Variants in IPO11 observed in about 807,000 individuals in gnomAD.
The protein encoded by IPO11 is importin-11.
A neutral mutation model predicts 143.2 loss-of-function variants in IPO11; 66 were observed. The ratio of observed to expected loss-of-function variants is 0.46; its 90% CI spans 0.38 to 0.57. The LOEUF is 0.57. Among genes scored for constraint, IPO11 ranks in the 20% least tolerant of loss-of-function variants. The probability of loss-of-function intolerance (pLI) is 0.00; values close to 1 mark genes in which losing one functional copy is unlikely to be tolerated. For missense variants in IPO11, 1,026 were observed against 1,141.0 expected (o/e 0.90, Z 1.45); for synonymous variants, 385 against 377.8 (o/e 1.02, Z -0.22).
chr5:62,485,081 TTGAAA>T (rs1746351575), intron 11 of IPO11, among the ~76,000 whole-genome samples: 1 of 152,172 alleles, frequency 6.6e-6, no homozygotes, highest in African/African-American at 2.4e-5. Context: ...GATTACTGTA[TTGAAA>T]TGAAATGATT....
chr5:62,445,279 A>G (rs1296790343), intron 3 of IPO11, among the ~76,000 whole-genome samples: 4 of 152,128 alleles, frequency 2.6e-5, no homozygotes, highest in African/African-American at 9.7e-5. Context: ...CCATTACCAT[A>G]TACATTGCAG....
At chr5:62,431,231 G>A (rs994150299) in intron 1 of IPO11, among the ~76,000 whole-genome samples, 2 of 151,934 alleles carry the variant, frequency 1.3e-5, no homozygotes, top group Admixed American at 1.3e-4. Context: ...CGCCCACCTC[G>A]ACCTCCCAAA....
At chr5:62,518,277 C>G (rs535513477) in intron 20 of IPO11, among the ~76,000 whole-genome samples, 1 of 152,190 alleles carries the variant, frequency 6.6e-6, no homozygotes, top group South Asian at 2.1e-4. Flanking sequence ...AACCCCATCT[C>G]TACTAAAAAT....
intron 28 of IPO11, among the ~76,000 whole-genome samples, chr5:62,599,758 G>A (rs959058059): frequency 6.6e-6 from 1 of 152,132 alleles, no homozygotes; most frequent in Non-Finnish European, 1.5e-5. Flanking sequence ...TGTGTTTACT[G>A]TTTTATTAGT....
At chr5:62,613,410 C>T (rs1426834097) in intron 29 of IPO11, among the ~76,000 whole-genome samples, 1 of 148,342 alleles carries the variant, frequency 6.7e-6, no homozygotes, top group African/African-American at 2.5e-5. Context: ...TCAAGCCATC[C>T]TCCCACCTCA....
At chr5:62,602,273 CTTG>C (rs915072255) in intron 29 of IPO11, among the ~76,000 whole-genome samples, 1 of 151,974 alleles carries the variant, frequency 6.6e-6, no homozygotes, top group Non-Finnish European at 1.5e-5. Context: ...TAACCACTAA[CTTG>C]TTGTAAAAAC....
chr5:62,445,620 T>C (rs903583385), intron 3 of IPO11, among the ~76,000 whole-genome samples: 1 of 152,280 alleles, frequency 6.6e-6, no homozygotes, highest in South Asian at 2.1e-4. Flanking sequence ...TTCAGTACAG[T>C]GTTCAATAAA....
intron 1 of IPO11, among the ~76,000 whole-genome samples, chr5:62,424,912 T>G (rs1743668377): frequency 6.6e-6 from 1 of 152,224 alleles, no homozygotes; most frequent in Non-Finnish European, 1.5e-5. Context: ...ATATTTACCT[T>G]GAGTAGAACT....
intron 16 of IPO11, among the ~76,000 whole-genome samples, chr5:62,501,972 A>G (rs1251162245): frequency 6.6e-6 from 1 of 152,152 alleles, no homozygotes; most frequent in Non-Finnish European, 1.5e-5. Flanking sequence ...CTTCACTGCT[A>G]TGGGCAAGAT....
At position 62,483,202 on chromosome 5, in the gene IPO11, C is replaced by A; in HGVS notation, c.930C>A (p.Gly310=). 1 of 1,609,378 alleles carries A rather than the reference C, an allele frequency of 6.2e-7. No individual in the cohort carries two copies. Among genetic ancestry groups the A allele is most frequent in the Non-Finnish European group, 8.5e-7 (1 of 1,176,496 alleles). ...ATGTTTTTACAGAAGTTGGTGAAGG[C>A]GTTACATTTGAACGATTCATTGTCC... The part of the protein sequence containing the change: ...VSYVFTEVGE[G]VTFERFIVQC... The change falls in exon 10 of 30, where the codon GGC becomes GGA. Residue 310 remains glycine, a synonymous_variant. Coordinates refer to ENST00000325324, the MANE Select transcript of IPO11 (RefSeq NM_016338.5).
At position 62,598,426 on chromosome 5, in the gene IPO11, T is replaced by C. The variant is rs868633012; in HGVS notation, c.2679-3338T>C. On this transcript the variant is annotated intron_variant, in intron 28 of 29. Transcript: ENST00000325324. ...TTTCTTTCTTTCTTTCTTTCTTTCT[T>C]TCTTTCTCTCTCTCTCTCTCTCTCT... Among the ~76,000 whole-genome samples, 30 of 3,742 alleles carry C rather than the reference T, an allele frequency of 8.0e-3. 3 individuals carry two copies. The South Asian group carries it at 0.16, about 20-fold the overall frequency. 2.5% of individuals were successfully genotyped at this position (3,742 alleles called of 152,430 possible).
chr5:62,499,429 A>G (rs565506575), intron 16 of IPO11, among the ~76,000 whole-genome samples: 12 of 152,348 alleles, frequency 7.9e-5, no homozygotes, highest in African/African-American at 2.9e-4. Context: ...GAGGCAGTCA[A>G]TGAGTGATTA....
intron 24 of IPO11, among the ~76,000 whole-genome samples, chr5:62,546,153 G>A (rs1204520040): frequency 6.6e-6 from 1 of 152,164 alleles, no homozygotes; most frequent in East Asian, 1.9e-4. Context: ...GCACACGTAT[G>A]TTTATTGCAG....
chr5:62,584,955 T>C (rs1215782422), intron 27 of IPO11, among the ~76,000 whole-genome samples: 1 of 152,174 alleles, frequency 6.6e-6, no homozygotes, highest in Non-Finnish European at 1.5e-5. Flanking sequence ...AATTCCAAGA[T>C]ACCTTGTGAT....
At chr5:62,463,412 CCAG>C (rs1442013862) in intron 5 of IPO11, among the ~76,000 whole-genome samples, 1 of 151,780 alleles carries the variant, frequency 6.6e-6, no homozygotes, top group East Asian at 2.0e-4. Context: ...GCCTGTAATC[CCAG>C]CACTTTGGGA....
intron 16 of IPO11, among the ~76,000 whole-genome samples, chr5:62,494,757 T>C (rs986251801): frequency 1.3e-5 from 2 of 152,162 alleles, no homozygotes; most frequent in Admixed American, 6.5e-5. Context: ...ACTGGTGCTT[T>C]ACTGTATGCC....
intron 1 of IPO11, among the ~76,000 whole-genome samples, chr5:62,429,695 CT>C (rs1743909757): frequency 3.3e-5 from 5 of 151,966 alleles, no homozygotes; most frequent in Admixed American, 2.0e-4. Flanking sequence ...GCGATCTTGG[CT>C]CACTGCAACC....
intron 20 of IPO11, among the ~76,000 whole-genome samples, chr5:62,521,357 T>C (rs1212204971): frequency 6.6e-6 from 1 of 152,232 alleles, no homozygotes; most frequent in African/African-American, 2.4e-5. Flanking sequence ...GGTATAAAAG[T>C]CTAGGTTTCC....
intron 27 of IPO11, chr5:62,580,584 C>CTTA (rs1392347298): frequency 3.9e-6 from 6 of 1,551,316 alleles, no homozygotes; most frequent in African/African-American, 1.4e-5. Flanking sequence ...TTACTCTAAA[C>CTTA]ATCTATTGTC....
Sources: gnomAD v4.1 joint callset for allele counts (sites outside exome capture counted in the v4.1 genomes callset) on GRCh38, gnomAD v4.1.1 for gene constraint, MANE v1.5 for transcripts, NCBI Gene and HGNC (gene_info 2026-07-23, HGNC 2026-07-21) for gene names.